CNNM2: variants seen among roughly 807,000 people sequenced by gnomAD.
CNNM2 encodes cyclin and CBS domain divalent metal cation transport mediator 2.
In CNNM2, 12 loss-of-function variants were observed where a neutral mutation model predicts 66.9. The ratio of observed to expected loss-of-function variants is 0.18; its 90% CI spans 0.11 to 0.29. The LOEUF (loss-of-function observed/expected upper bound fraction) is 0.29, where lower values mean the gene tolerates loss of function less well. Among genes scored for constraint, CNNM2 ranks in the 10% least tolerant of loss-of-function variants. The pLI, the probability that CNNM2 is intolerant of heterozygous loss-of-function variation, is 1.00. For synonymous variants in CNNM2, 557 were observed against 501.8 expected (o/e 1.11, Z -1.47); for missense variants, 705 against 1,167.7 (o/e 0.60, Z 5.77).
intron 1 of CNNM2, among the ~76,000 whole-genome samples, chr10:103,014,332 C>T (rs564560467): frequency 3.2e-4 from 49 of 152,312 alleles, no homozygotes; most frequent in African/African-American, 1.2e-3. Context: ...ATTGATGAAG[C>T]ACCTGCAATT....
In CNNM2 at chr10:103,054,243, A is replaced by G; in HGVS notation, c.1766-86A>G. 6.9e-7 allele frequency: 1 copy of G among 1,445,774 alleles called. No homozygotes were observed. The allele number at this position is 1,445,774 out of a possible 1,614,324, so 89.6% of individuals were successfully genotyped here. On this transcript the variant is annotated intron_variant, in intron 2 of 7. Transcript: ENST00000369878. This position sits in a 1 kb window ranked among gnomAD's most constrained non-coding sequence, Gnocchi z 5.2. Reference sequence around the variant, plus strand: ...CTGGAAATACAGTCCAGCTCTTCCAATATATTTTGTCTTTTTCATTCAAAA... The same window carrying G: ...CTGGAAATACAGTCCAGCTCTTCCAGTATATTTTGTCTTTTTCATTCAAAA...
intron 1 of CNNM2, among the ~76,000 whole-genome samples, chr10:103,016,881 T>G (rs887637733): frequency 6.6e-6 from 1 of 152,112 alleles, no homozygotes; most frequent in Non-Finnish European, 1.5e-5. Flanking sequence ...TGTTGTTTGT[T>G]TCTTCCTTTT....
intron 1 of CNNM2, among the ~76,000 whole-genome samples, chr10:102,980,976 G>A (rs905619255): frequency 6.6e-6 from 1 of 151,970 alleles, no homozygotes; most frequent in Non-Finnish European, 1.5e-5. Context: ...AGCTTGTTTC[G>A]GAAGCACATC....
chr10:102,958,416 AACTGTTGAGT>A (rs1255020333), intron 1 of CNNM2, among the ~76,000 whole-genome samples: 2 of 151,430 alleles, frequency 1.3e-5, no homozygotes, highest in African/African-American at 4.9e-5. Flanking sequence ...TTCCAATATA[AACTGTTGAGT>A]CTGAATTGAC....
At chr10:103,035,573 A>G (rs1228946652) in intron 1 of CNNM2, among the ~76,000 whole-genome samples, 2 of 152,236 alleles carry the variant, frequency 1.3e-5, no homozygotes, top group Non-Finnish European at 2.9e-5. Context: ...CTGTTGGTTC[A>G]TGAGATTTTC....
chr10:103,036,960 C>A (rs368630228), intron 1 of CNNM2, among the ~76,000 whole-genome samples: 94 of 152,126 alleles, frequency 6.2e-4, no homozygotes, highest in African/African-American at 2.0e-3. Context: ...TGTCAATGCT[C>A]ATATCGTGGT....
At chr10:102,933,562 C>A (rs1199588657) in intron 1 of CNNM2, among the ~76,000 whole-genome samples, 2 of 152,012 alleles carry the variant, frequency 1.3e-5, no homozygotes, top group Non-Finnish European at 2.9e-5. Context: ...TTGAGGTTAT[C>A]TTACATTTAC....
chr10:102,993,000 G>A (rs2134244370), intron 1 of CNNM2, among the ~76,000 whole-genome samples: 1 of 152,220 alleles, frequency 6.6e-6, no homozygotes, highest in South Asian at 2.1e-4. Context: ...TTTCAAAAAA[G>A]GTCTTTTCAA....
At chr10:102,967,683 T>C (rs988432631) in intron 1 of CNNM2, among the ~76,000 whole-genome samples, 8 of 152,236 alleles carry the variant, frequency 5.3e-5, no homozygotes, top group Non-Finnish European at 1.0e-4. Context: ...TTGATGGGCA[T>C]TTGTATTGTG....
chr10:102,919,370 A>G lies in CNNM2; in HGVS notation c.890A>G (p.Lys297Arg), dbSNP rs757715211. The change falls in exon 1 of 8, where the codon AAG becomes AGG. Residue 297 changes from lysine to arginine, a missense_variant. This residue lies in a region of CNNM2 where 49 missense variants were observed against 183.7 expected (regional missense o/e 0.27). Coordinates refer to ENST00000369878, the MANE Select transcript of CNNM2 (RefSeq NM_017649.5). ...LRIVQNCGTE[K>R]EKNYAKRIEP... The stretch of plus-strand genomic sequence containing the variant: ...ATCGTGCAGAACTGCGGCACGGAGA[A>G]GGAGAAGAATTACGCCAAGCGCATC... 1.4e-5 allele frequency: 22 copies of G among 1,612,658 alleles called. No homozygotes were observed. Among genetic ancestry groups the G allele is most frequent in the Non-Finnish European group, 1.7e-6 (2 of 1,180,038 alleles).
chr10:102,952,340 G>A (rs1846869962), intron 1 of CNNM2, among the ~76,000 whole-genome samples: 1 of 152,032 alleles, frequency 6.6e-6, no homozygotes, highest in Non-Finnish European at 1.5e-5. Context: ...CAAGACTGGC[G>A]GATCATGAGG....
chr10:102,918,505 C>A lies in CNNM2; in HGVS notation c.25C>A (p.Pro9Thr), dbSNP rs1342309541. The A allele has an allele frequency of 1.2e-6, 2 of 1,607,470 alleles. No homozygotes were observed. Among genetic ancestry groups the A allele is most frequent in the Non-Finnish European group, 8.5e-7 (1 of 1,178,380 alleles). Residue 9 changes from proline to threonine, a missense_variant, in exon 1 of 8, where the codon CCC becomes ACC. Transcript: ENST00000369878. The surrounding 1 kb of genome is among the most constrained non-coding windows in gnomAD (Gnocchi z 4.1). ...TATGATTGGCTGTGGCGCTTGTGAA[C>A]CCAAAGTAAAGATGGCGGGCGGGCA... Reference protein sequence around the residue: MIGCGACEPKVKMAGGQAA... With the variant: MIGCGACETKVKMAGGQAA...
intron 4 of CNNM2, among the ~76,000 whole-genome samples, chr10:103,065,841 G>T (rs561156592): frequency 4.9e-4 from 74 of 152,196 alleles, no homozygotes; most frequent in Admixed American, 2.1e-3. Context: ...ATGTACCGTG[G>T]CTACTCCTGT....
At chr10:103,019,112 A>C (rs1188633288) in intron 1 of CNNM2, among the ~76,000 whole-genome samples, 12 of 151,842 alleles carry the variant, frequency 7.9e-5, no homozygotes. Flanking sequence ...TACTAAAAAT[A>C]GAAAAACTTA....
intron 1 of CNNM2, among the ~76,000 whole-genome samples, chr10:103,040,213 A>ATAGG (rs1189516845): frequency 6.7e-6 from 1 of 148,778 alleles, no homozygotes; most frequent in Non-Finnish European, 1.5e-5. Context: ...AGATGACATT[A>ATAGG]TAGGAGCTCA....
chr10:103,032,944 C>T (rs1263386019), intron 1 of CNNM2, among the ~76,000 whole-genome samples: 1 of 151,110 alleles, frequency 6.6e-6, no homozygotes, highest in African/African-American at 2.4e-5. Context: ...ATGGTGAAAC[C>T]CTGTCACTAC....
intron 1 of CNNM2, among the ~76,000 whole-genome samples, chr10:102,928,365 T>A (rs1239197970): frequency 6.6e-6 from 1 of 151,984 alleles, no homozygotes; most frequent in Non-Finnish European, 1.5e-5. Context: ...GGCGGGTGGA[T>A]CACCTGAGGT....
intron 1 of CNNM2, among the ~76,000 whole-genome samples, chr10:102,991,145 C>G (rs915392986): frequency 1.3e-5 from 2 of 152,082 alleles, no homozygotes; most frequent in African/African-American, 4.8e-5. Context: ...TGCCACCATG[C>G]CAGGCTAATA....
At chr10:102,967,167 G>C (rs2063476417) in intron 1 of CNNM2, among the ~76,000 whole-genome samples, 1 of 152,094 alleles carries the variant, frequency 6.6e-6, no homozygotes, top group African/African-American at 2.4e-5. Context: ...TGCCCAGGAT[G>C]GTCTTGAACT....
Sources: allele counts gnomAD v4.1 joint callset (sites outside exome capture counted in the v4.1 genomes callset), GRCh38; gene constraint gnomAD v4.1.1; regional missense constraint gnomAD v4.1.1; non-coding constraint Gnocchi (gnomAD v3.1); transcripts MANE v1.5; gene names NCBI Gene and HGNC (gene_info 2026-07-23, HGNC 2026-07-21).